MAPKAPK5: variants seen among roughly 807,000 people sequenced by gnomAD.
MAPKAPK5 encodes MAPK activated protein kinase 5, also known as MAP kinase-activated protein kinase 5.
A neutral mutation model predicts 65.1 loss-of-function variants in MAPKAPK5; 30 were observed. The ratio of observed to expected loss-of-function variants is 0.46; its 90% CI spans 0.34 to 0.63. The LOEUF is 0.63. Ranked by LOEUF, MAPKAPK5 falls within the 20% of genes least tolerant of loss-of-function variation. The pLI, the probability that MAPKAPK5 is intolerant of heterozygous loss-of-function variation, is 0.01. For missense variants in MAPKAPK5, 433 were observed against 581.4 expected (o/e 0.74, Z 2.63); for synonymous variants, 179 against 204.6 (o/e 0.87, Z 1.07).
intron 1 of MAPKAPK5, among the ~76,000 whole-genome samples, chr12:111,849,085 A>T (rs2068990251): frequency 6.6e-6 from 1 of 150,696 alleles, no homozygotes; most frequent in Non-Finnish European, 1.5e-5. Flanking sequence ...TCTTTGCCTT[A>T]TTGAGTTATA....
At chr12:111,859,560 G>A (rs1293131840) in intron 1 of MAPKAPK5, among the ~76,000 whole-genome samples, 8 of 151,448 alleles carry the variant, frequency 5.3e-5, no homozygotes, top group South Asian at 2.1e-4. Flanking sequence ...CACTGTGCCC[G>A]GTCAATTTTA....
intron 13 of MAPKAPK5, among the ~76,000 whole-genome samples, chr12:111,890,850 G>T (rs2070579749): frequency 6.6e-6 from 1 of 151,906 alleles, no homozygotes; most frequent in African/African-American, 2.4e-5. Flanking sequence ...TAGAGATGGG[G>T]TTTCACCATG....
At chr12:111,844,043 C>T (rs2068826742) in intron 1 of MAPKAPK5, among the ~76,000 whole-genome samples, 1 of 152,096 alleles carries the variant, frequency 6.6e-6, no homozygotes, top group South Asian at 2.1e-4. Flanking sequence ...AGGATGGGCT[C>T]GATCTCCTGA....
chr12:111,862,693 A>G (rs945744629), intron 1 of MAPKAPK5, among the ~76,000 whole-genome samples: 5 of 152,188 alleles, frequency 3.3e-5, no homozygotes, highest in Non-Finnish European at 7.3e-5. Context: ...CTCTGTCTCA[A>G]AAAATAAAAA....
intron 7 of MAPKAPK5, among the ~76,000 whole-genome samples, chr12:111,876,319 G>A (rs765813563): frequency 1.1e-4 from 17 of 151,786 alleles, no homozygotes; most frequent in Middle Eastern, 3.2e-3. Context: ...GGAGGGTGAG[G>A]ATCAAAAAAC....
At chr12:111,848,218 G>GC in intron 1 of MAPKAPK5, among the ~76,000 whole-genome samples, 1 of 152,168 alleles carries the variant, frequency 6.6e-6, no homozygotes, top group East Asian at 1.9e-4. Context: ...TGAAAGTCCT[G>GC]TTTTTTTCTA....
chr12:111,889,921 G>A (rs1566278607), intron 12 of MAPKAPK5, 119 bp from the exon 13 acceptor site: 7 of 665,860 alleles, frequency 1.1e-5, no homozygotes. Context: ...GTCTGGTGAA[G>A]TTTTGCACAT....
chr12:111,886,159 T>C, intron 10 of MAPKAPK5, 123 bp downstream of exon 10: 1 of 1,391,338 alleles, frequency 7.2e-7, no homozygotes, highest in Non-Finnish European at 9.8e-7. Flanking sequence ...CAGAGAAACA[T>C]CTCTGGTTTC....
intron 1 of MAPKAPK5, among the ~76,000 whole-genome samples, chr12:111,859,632 C>CTT (rs1330699525): frequency 7.0e-6 from 1 of 142,346 alleles, no homozygotes; most frequent in Non-Finnish European, 1.5e-5. Context: ...TTCTTTTTTT[C>CTT]TTTTCTTTTC....
intron 7 of MAPKAPK5, among the ~76,000 whole-genome samples, chr12:111,876,066 G>A (rs777154719): frequency 3.3e-5 from 5 of 151,900 alleles, no homozygotes; most frequent in African/African-American, 9.7e-5. Flanking sequence ...TATTAGTCGG[G>A]TGTGGTGGCA....
At chr12:111,865,182 A>G in intron 1 of MAPKAPK5, 68 bp from the exon 2 acceptor site, 2 of 977,258 alleles carry the variant, frequency 2.0e-6, no homozygotes, top group Non-Finnish European at 3.2e-6. Context: ...CTGTTGTCCC[A>G]TCTCTGCTTA....
chr12:111,876,679 CAT>C (rs1398892597), intron 7 of MAPKAPK5, among the ~76,000 whole-genome samples: 3 of 152,116 alleles, frequency 2.0e-5, no homozygotes, highest in Non-Finnish European at 2.9e-5. Flanking sequence ...CAATCAATGA[CAT>C]ATATATTAGA....
chr12:111,846,010 A>G (rs768335765), intron 1 of MAPKAPK5, among the ~76,000 whole-genome samples: 3 of 152,164 alleles, frequency 2.0e-5, no homozygotes, highest in Non-Finnish European at 4.4e-5. Flanking sequence ...TGTTTTTTTC[A>G]CTTGACTCTT....
rs11066052 is a variant in MAPKAPK5 at position 111,864,508 on chromosome 12, T to C, written c.37-742T>C. ...AGCCCGGCCGAGACCCTGTCTCTTA[T>C]AATAAATAAGTGAGTGAATGAATTA... is the stretch of plus-strand genomic sequence containing the variant. On this transcript the variant is annotated intron_variant, in intron 1 of 13. Transcript: ENST00000550735. 0.056 allele frequency among the ~76,000 whole-genome samples: 8,479 copies of C among 152,242 alleles called. 1,305 individuals carry two copies. The East Asian group carries it at 0.61, about 11-fold the overall frequency.
At chr12:111,892,302 A>G (rs1399321416) in intron 13 of MAPKAPK5, among the ~76,000 whole-genome samples, 2 of 152,166 alleles carry the variant, frequency 1.3e-5, no homozygotes, top group Admixed American at 6.5e-5. Flanking sequence ...TCTTACGTGT[A>G]TAGGATTAGA....
intron 1 of MAPKAPK5, among the ~76,000 whole-genome samples, chr12:111,862,105 T>A (rs1270793102): frequency 6.8e-6 from 1 of 146,906 alleles, no homozygotes; most frequent in Non-Finnish European, 1.5e-5. Context: ...GTCATTAAAA[T>A]ATGTGAGAAA....
At position 111,883,975 on chromosome 12, in the gene MAPKAPK5, C is replaced by G. The variant is rs919957627; in HGVS notation, c.848+207C>G. Among the ~76,000 whole-genome samples, 2 of 152,184 alleles carry G rather than the reference C, an allele frequency of 1.3e-5. No individual in the cohort carries two copies. The highest frequency in any genetic ancestry group is 2.9e-5 in the Non-Finnish European group (2 of 68,024). On this transcript the variant is annotated intron_variant, in intron 9 of 13. Transcript: ENST00000550735. The surrounding 1 kb of genome is among the most constrained non-coding windows in gnomAD (Gnocchi z 4.8). ...AGCTTTCCTCCCTCCTGTTGCATCC[C>G]TAGACTTTGTCCCCAGGGTGTGAAC... is the stretch of plus-strand genomic sequence containing the variant.
At chr12:111,859,871 A>G (rs1593139014) in intron 1 of MAPKAPK5, among the ~76,000 whole-genome samples, 2 of 148,340 alleles carry the variant, frequency 1.3e-5, no homozygotes, top group Non-Finnish European at 3.0e-5. Context: ...CTGGTCTCGA[A>G]CTCCTGACCT....
intron 7 of MAPKAPK5, among the ~76,000 whole-genome samples, chr12:111,877,996 C>CTT (rs1375150046): frequency 6.7e-6 from 1 of 148,390 alleles, no homozygotes; most frequent in African/African-American, 2.5e-5. Flanking sequence ...CCAGCTGACT[C>CTT]TGACTCTTTT....
Sources: allele counts gnomAD v4.1 joint callset (sites outside exome capture counted in the v4.1 genomes callset), GRCh38; gene constraint gnomAD v4.1.1; non-coding constraint Gnocchi (gnomAD v3.1); transcripts MANE v1.5; gene names NCBI Gene and HGNC (gene_info 2026-07-23, HGNC 2026-07-21).